CDH12: variants seen among roughly 807,000 people sequenced by gnomAD.
The protein encoded by CDH12 is cadherin 12, also known as cadherin-12.
Under a neutral mutation model 74.1 loss-of-function variants are expected in CDH12, and 41 were observed. That is an observed-to-expected ratio of 0.55 (90% CI 0.43 to 0.72). The LOEUF is 0.72. Among genes scored for constraint, CDH12 ranks in the 30% least tolerant of loss-of-function variants. CDH12 has a pLI of 0.00. For missense variants in CDH12, 945 were observed against 977.2 expected, an observed-to-expected ratio of 0.97 and a Z score of 0.44; for synonymous variants, 399 against 355.0, an observed-to-expected ratio of 1.12 and a Z score of -1.39.
chr5:22,030,295 TA>T (rs1430167735), intron 5 of CDH12, among the ~76,000 whole-genome samples: 1 of 151,958 alleles, frequency 6.6e-6, no homozygotes. Flanking sequence ...AAAAGAAAGG[TA>T]TTTCTTGAAT....
chr5:22,388,192 T>C (rs1257745464), intron 3 of CDH12, among the ~76,000 whole-genome samples: 2 of 152,150 alleles, frequency 1.3e-5, no homozygotes, highest in African/African-American at 2.4e-5. Flanking sequence ...GTGGATGGGA[T>C]ATAGGATATG....
At chr5:22,237,343 TAA>T (rs1752593275) in intron 3 of CDH12, among the ~76,000 whole-genome samples, 2 of 152,146 alleles carry the variant, frequency 1.3e-5, no homozygotes, top group African/African-American at 4.8e-5. Flanking sequence ...CATTTTCACT[TAA>T]GTTTGTGTTT....
chr5:22,697,868 G>A (rs1742461267), intron 1 of CDH12, among the ~76,000 whole-genome samples: 1 of 151,982 alleles, frequency 6.6e-6, no homozygotes, highest in African/African-American at 2.4e-5. Context: ...GCATGTGCAC[G>A]AAGAAGAGGC....
At chr5:22,566,973 G>A (rs1554050302) in intron 1 of CDH12, among the ~76,000 whole-genome samples, 1 of 152,106 alleles carries the variant, frequency 6.6e-6, no homozygotes, top group Non-Finnish European at 1.5e-5. Flanking sequence ...TTGGTTTTGG[G>A]ACAAACAAAT....
chr5:22,046,493 C>A (rs1186819476), intron 5 of CDH12, among the ~76,000 whole-genome samples: 1 of 135,038 alleles, frequency 7.4e-6, no homozygotes, highest in African/African-American at 2.9e-5. Context: ...AGTGCAGTGG[C>A]GCGATTTGGC....
intron 2 of CDH12, among the ~76,000 whole-genome samples, chr5:22,422,463 A>G (rs1743692381): frequency 6.6e-6 from 1 of 151,994 alleles, no homozygotes; most frequent in Non-Finnish European, 1.5e-5. Context: ...GTGCTGTTGA[A>G]TTCGGTTTGC....
intron 1 of CDH12, among the ~76,000 whole-genome samples, chr5:22,588,827 C>T (rs962211420): frequency 6.6e-6 from 1 of 152,172 alleles, no homozygotes; most frequent in Non-Finnish European, 1.5e-5. Flanking sequence ...TTCTGGACCA[C>T]ATTCCTTTTT....
chr5:22,596,602 C>A (rs1215880879), intron 1 of CDH12, among the ~76,000 whole-genome samples: 1 of 152,110 alleles, frequency 6.6e-6, no homozygotes, highest in East Asian at 1.9e-4. Context: ...TGGCCAGAAA[C>A]CATGACTGGT....
At chr5:22,009,579 C>A (rs922961187) in intron 5 of CDH12, among the ~76,000 whole-genome samples, 1 of 152,136 alleles carries the variant, frequency 6.6e-6, no homozygotes, top group Non-Finnish European at 1.5e-5. Flanking sequence ...TTGATTCTAT[C>A]TTTTAAGAAT....
chr5:22,614,987 G>C (rs1737622569), intron 1 of CDH12, among the ~76,000 whole-genome samples: 1 of 152,086 alleles, frequency 6.6e-6, no homozygotes, highest in Non-Finnish European at 1.5e-5. Context: ...GGGTGGGGAA[G>C]AGTGTGTCGG....
At chr5:22,762,926 C>G (rs1406883723) in intron 1 of CDH12, among the ~76,000 whole-genome samples, 1 of 151,900 alleles carries the variant, frequency 6.6e-6, no homozygotes, top group East Asian at 1.9e-4. Flanking sequence ...CCAAGGAGTT[C>G]CCTGCTTGTA....
intron 1 of CDH12, among the ~76,000 whole-genome samples, chr5:22,631,623 A>G (rs1738589426): frequency 6.6e-6 from 1 of 152,094 alleles, no homozygotes; most frequent in Non-Finnish European, 1.5e-5. Flanking sequence ...GCATTCTCAC[A>G]TTGCTACAAG....
At chr5:21,946,184 T>A (rs1755570376) in intron 6 of CDH12, among the ~76,000 whole-genome samples, 1 of 152,036 alleles carries the variant, frequency 6.6e-6, no homozygotes, top group Non-Finnish European at 1.5e-5. Flanking sequence ...CTTCAGGCAT[T>A]AAAGTGACAT....
At chr5:22,693,732 T>C (rs2126947270) in intron 1 of CDH12, among the ~76,000 whole-genome samples, 1 of 146,724 alleles carries the variant, frequency 6.8e-6, no homozygotes, top group South Asian at 2.2e-4. Flanking sequence ...TGCTCTATAA[T>C]TTACCAATTG....
chr5:22,276,659 T>A (rs1736647878), intron 3 of CDH12, among the ~76,000 whole-genome samples: 1 of 152,210 alleles, frequency 6.6e-6, no homozygotes, highest in Admixed American at 6.5e-5. Context: ...GTACTAGGAC[T>A]ATTTTAAGCA....
chr5:22,046,889 C>T (rs1200030426), intron 5 of CDH12, among the ~76,000 whole-genome samples: 2 of 152,138 alleles, frequency 1.3e-5, no homozygotes, highest in African/African-American at 4.8e-5. Context: ...CATGAAGGTG[C>T]TATAAATCCA....
chr5:22,747,966 T>C (rs576034797), intron 1 of CDH12, among the ~76,000 whole-genome samples: 5 of 152,316 alleles, frequency 3.3e-5, no homozygotes, highest in East Asian at 3.9e-4. Flanking sequence ...TAGAGAAGAA[T>C]TGGTTCCCAT....
intron 1 of CDH12, among the ~76,000 whole-genome samples, chr5:22,852,350 T>C (rs1737596870): frequency 6.6e-6 from 1 of 152,240 alleles, no homozygotes; most frequent in Admixed American, 6.5e-5. Context: ...AAGGTCTTTT[T>C]TGAAAAATGA....
At chr5:22,814,437 T>A (rs1749292979) in intron 1 of CDH12, among the ~76,000 whole-genome samples, 1 of 152,220 alleles carries the variant, frequency 6.6e-6, no homozygotes, top group African/African-American at 2.4e-5. Context: ...CAAAGATTAA[T>A]CAGCTTGATG....
Sources: gnomAD v4.1 joint callset for allele counts (sites outside exome capture counted in the v4.1 genomes callset) on GRCh38, gnomAD v4.1.1 for gene constraint, MANE v1.5 for transcripts, NCBI Gene and HGNC (gene_info 2026-07-23, HGNC 2026-07-21) for gene names.